RCN3: variants seen among roughly 807,000 people sequenced by gnomAD.
RCN3 encodes the protein reticulocalbin 3.
RCN3 carries 41 observed loss-of-function variants against 35.9 expected under a neutral mutation model. That is an observed-to-expected ratio of 1.14 (90% CI 0.89 to 1.48). The LOEUF is 1.48. Among genes scored for constraint, RCN3 ranks in the 40% most tolerant of loss-of-function variants. The pLI is 0.00. For missense variants in RCN3, 451 were observed against 471.3 expected (o/e 0.96, Z 0.40); for synonymous variants, 187 against 193.4 (o/e 0.97, Z 0.27).
chr19:49,531,799 GTTATTA>G (rs1029877941), intron 2 of RCN3, among the ~76,000 whole-genome samples: 1 of 152,004 alleles, frequency 6.6e-6, no homozygotes, highest in Admixed American at 6.6e-5. Flanking sequence ...CTTTATTATT[GTTATTA>G]TTATTATTAT....
At chr19:49,537,921 G>A (rs1362399605) in intron 4 of RCN3, among the ~76,000 whole-genome samples, 1 of 151,866 alleles carries the variant, frequency 6.6e-6, no homozygotes, top group African/African-American at 2.4e-5. Context: ...TTACAGGCAT[G>A]AGCCACCGTG....
In RCN3 at chr19:49,537,182, CACATGCGGG is replaced by C. The variant is rs1445772561; in HGVS notation, c.600_608del (p.Met200_Asp202del). 3.2e-6 allele frequency: 5 copies of C among 1,554,960 alleles called. No homozygotes were observed. Among genetic ancestry groups the C allele is most frequent in the Non-Finnish European group, 4.4e-6 (5 of 1,146,844 alleles). On this transcript the variant is annotated inframe_deletion, in exon 4 of 7. Transcript: ENST00000270645. ...CTTCCTGCACCCCGAGGAGTTCCCT[CACATGCGGG>C]ACATCGTGATTGCTGTGAGTGGCGG...
chr19:49,532,356 C>T (rs1347620779), intron 2 of RCN3, among the ~76,000 whole-genome samples: 5 of 151,846 alleles, frequency 3.3e-5, no homozygotes, highest in East Asian at 1.9e-4. Context: ...CCGCCCTCCT[C>T]GGCCTCCAAA....
rs2080172131 is a variant in RCN3, at chr19:49,543,206, A to G, written c.980A>G (p.Glu327Gly). 1 of 1,611,242 alleles carries G rather than the reference A, an allele frequency of 6.2e-7. No homozygotes were observed. The change falls in exon 7 of 7, where the codon GAG becomes GGG. Residue 327 changes from glutamate (E) to glycine (G), a missense_variant. Coordinates refer to ENST00000270645, the MANE Select transcript of RCN3 (RefSeq NM_020650.3). ...YGEDLTRHHD[E>G]L ...GAGGACCTGACCCGGCACCACGATGAGCTGTGAGCACCGCGCACCTGCCAC... is the reference window on the plus strand; with the variant it reads ...GAGGACCTGACCCGGCACCACGATGGGCTGTGAGCACCGCGCACCTGCCAC...
In RCN3 at chr19:49,539,287, C is replaced by G. The variant is rs558335197; in HGVS notation, c.679+108C>G. 2.7e-5 allele frequency: 23 copies of G among 838,526 alleles called. No homozygotes were observed. In the Admixed American group the frequency reaches 6.0e-4, roughly 22 times the overall value. 51.9% of individuals were successfully genotyped at this position (838,526 alleles called of 1,614,324 possible). ...CACCCATCATCAGAGAACAGTGGCC[C>G]TCAGACATGGGGGCAGGGGCACTCA... On this transcript the variant is annotated intron_variant, in intron 5 of 6. Transcript: ENST00000270645.
rs758067452 is a variant in RCN3 at position 49,537,216 on chromosome 19, G to A, written c.618+11G>A. The A allele has an allele frequency of 5.4e-6, 8 of 1,494,228 alleles. No individual in the cohort carries two copies. In the South Asian group the frequency reaches 1.0e-4, roughly 20 times the overall value. 92.6% of individuals were successfully genotyped at this position (1,494,228 alleles called of 1,614,324 possible). A position where few individuals can be genotyped will look rare whatever the true frequency, so the allele number is the denominator to read the frequency against. On this transcript the variant is annotated intron_variant, in intron 4 of 6. Transcript: ENST00000270645. ...GACATCGTGATTGCTGTGAGTGGCG[G>A]CTGGGGAACCCTGTCCCCCACACCC...
chr19:49,533,746 GA>G (rs2080120253), intron 2 of RCN3, among the ~76,000 whole-genome samples: 1 of 151,928 alleles, frequency 6.6e-6, no homozygotes. Context: ...GACAGCGGGG[GA>G]TCGGGGGTGT....
chr19:49,532,538 G>T (rs1295999361), intron 2 of RCN3, among the ~76,000 whole-genome samples: 1 of 152,016 alleles, frequency 6.6e-6, no homozygotes, highest in South Asian at 2.1e-4. Context: ...ACTGTGCCCG[G>T]CTACTTTTTG....
At chr19:49,538,402 C>T (rs1326133709) in intron 4 of RCN3, among the ~76,000 whole-genome samples, 1 of 150,404 alleles carries the variant, frequency 6.6e-6, no homozygotes, top group African/African-American at 2.5e-5. Context: ...CTCCTGACCT[C>T]GTGATCCACC....
rs1217456271 is a variant in RCN3, at chr19:49,528,528, A to G, written c.56A>G (p.Gln19Arg). Residue 19 changes from glutamine (Q) to arginine (R), a missense_variant, in exon 2 of 7, where the codon CAG becomes CGG. Gln to Arg is a conservative substitution (Grantham distance 43). Coordinates refer to ENST00000270645, the MANE Select transcript of RCN3 (RefSeq NM_020650.3). ...LLLLLLRHGA[Q>R]GKPSPDAGPH... ...CTGTTGCTACTGAGGCACGGGGCCC[A>G]GGGGAAGCCATCCCCAGACGCAGGC... The G allele has an allele frequency of 1.9e-6, 3 of 1,563,978 alleles. No homozygotes were observed. Among genetic ancestry groups the G allele is most frequent in the African/African-American group, 2.8e-5 (2 of 72,464 alleles).
At position 49,528,590 on chromosome 19, in the gene RCN3, C is replaced by T. The variant is rs770526358; in HGVS notation, c.118C>T (p.Leu40=). The change falls in exon 2 of 7, where the codon CTG becomes TTG. Residue 40 remains leucine, a synonymous_variant. Transcript: ENST00000270645. ...GQGRVHQAAP[L]SDAPHDDAHG... is the part of the protein sequence containing the mutation. ...GGGGAGGGTGCACCAGGCGGCCCCC[C>T]TGAGCGACGCTCCCCATGATGACGC... is the stretch of plus-strand genomic sequence containing the variant. 6.2e-7 allele frequency: 1 copy of T among 1,610,400 alleles called. No homozygotes were observed. The highest frequency in any genetic ancestry group is 1.1e-5 in the South Asian group (1 of 90,464).
At chr19:49,538,160 TG>T (rs1256956475) in intron 4 of RCN3, among the ~76,000 whole-genome samples, 13 of 143,064 alleles carry the variant, frequency 9.1e-5, no homozygotes, top group African/African-American at 1.9e-4. Context: ...GTCTGGCTAA[TG>T]TTTTTTTTTT....
At chr19:49,539,438 A>ATTGAGCACCTGCTG (rs2080152714) in intron 5 of RCN3, among the ~76,000 whole-genome samples, 1 of 152,002 alleles carries the variant, frequency 6.6e-6, no homozygotes, top group African/African-American at 2.4e-5. Flanking sequence ...CCTACTGCAT[A>ATTGAGCACCTGCTG]TGGGTGGTTG....
In RCN3 at chr19:49,542,653, C is replaced by T. The variant is rs756767801; in HGVS notation, c.780C>T (p.His260=). 1.2e-6 allele frequency: 2 copies of T among 1,604,272 alleles called. No individual in the cohort carries two copies. The highest frequency in any genetic ancestry group is 8.5e-7 in the Non-Finnish European group (1 of 1,176,514). The change falls in exon 6 of 7, where the codon CAC becomes CAT. Residue 260 remains histidine, a synonymous_variant. Transcript: ENST00000270645. The part of the protein sequence containing the change: ...RDFRDLNKDG[H]LDGSEVGHWV... ...TCCGGGATCTGAACAAGGATGGGCACCTGGATGGGAGTGAGGTGGGCCACT... is the reference window on the plus strand; with the variant it reads ...TCCGGGATCTGAACAAGGATGGGCATCTGGATGGGAGTGAGGTGGGCCACT...
intron 3 of RCN3, among the ~76,000 whole-genome samples, chr19:49,535,539 A>G (rs947220659): frequency 2.0e-5 from 3 of 152,204 alleles, no homozygotes; most frequent in Admixed American, 6.6e-5. Context: ...CAAGTTAGCT[A>G]ATTTATTGGG....
chr19:49,537,991 T>C (rs1274441469), intron 4 of RCN3, among the ~76,000 whole-genome samples: 2 of 114,508 alleles, frequency 1.7e-5, no homozygotes, highest in Non-Finnish European at 3.7e-5. Context: ...TTCCTTCCTC[T>C]TTTTTTTTTT....
intron 2 of RCN3, 77 bp from the exon 3 acceptor site, chr19:49,534,116 C>G (rs2080122296): frequency 7.5e-6 from 10 of 1,327,360 alleles, no homozygotes; most frequent in African/African-American, 1.6e-5. Flanking sequence ...CGAAGTGTCC[C>G]AGGGGGCGTG....
intron 2 of RCN3, among the ~76,000 whole-genome samples, chr19:49,529,601 T>C (rs1277442143): frequency 1.3e-5 from 2 of 152,122 alleles, no homozygotes; most frequent in Non-Finnish European, 2.9e-5. Flanking sequence ...CTCCTGAAGT[T>C]TACACTGTGG....
intron 3 of RCN3, among the ~76,000 whole-genome samples, chr19:49,535,617 C>T (rs1351408565): frequency 5.3e-5 from 8 of 151,964 alleles, no homozygotes; most frequent in Admixed American, 4.6e-4. Context: ...TTTGGGAGGC[C>T]GAGGTGGGTG....
Sources: allele counts gnomAD v4.1 joint callset (sites outside exome capture counted in the v4.1 genomes callset), GRCh38; gene constraint gnomAD v4.1.1; transcripts MANE v1.5; gene names NCBI Gene and HGNC (gene_info 2026-07-23, HGNC 2026-07-21).